RHBDF2: variants seen among roughly 807,000 people sequenced by gnomAD.
The protein encoded by RHBDF2 is inactive rhomboid protein 2.
Under a neutral mutation model 95.2 loss-of-function variants are expected in RHBDF2, and 38 were observed. The ratio of observed to expected loss-of-function variants is 0.40; its 90% CI spans 0.31 to 0.52. The LOEUF is 0.52. Among genes scored for constraint, RHBDF2 ranks in the 20% least tolerant of loss-of-function variants. The pLI, the probability that RHBDF2 is intolerant of heterozygous loss-of-function variation, is 0.56. For synonymous variants in RHBDF2, 442 were observed against 462.0 expected (o/e 0.96, Z 0.55); for missense variants, 863 against 1,137.7 (o/e 0.76, Z 3.47).
At chr17:76,498,502 A>T (rs906428468) in intron 1 of RHBDF2, among the ~76,000 whole-genome samples, 2 of 152,160 alleles carry the variant, frequency 1.3e-5, no homozygotes, top group African/African-American at 4.8e-5. Flanking sequence ...AAAGGGAAGC[A>T]CCAGCCAGCT....
rs2073554335 is a variant in RHBDF2, at chr17:76,471,427, A to G, written c.*206T>C. The G allele has an allele frequency of 3.4e-6, 2 of 587,710 alleles. No individual in the cohort carries two copies. The highest frequency in any genetic ancestry group is 6.5e-5 in the Admixed American group (2 of 30,732). 36.4% of individuals were successfully genotyped at this position (587,710 alleles called of 1,614,324 possible). ...GCCTGAGCTTGGGTCAGGATCTCACAGGCCTCACGCCCCAGAAAAACCCCG... is the reference window on the plus strand; with the variant it reads ...GCCTGAGCTTGGGTCAGGATCTCACGGGCCTCACGCCCCAGAAAAACCCCG... On this transcript the variant is annotated 3_prime_UTR_variant, in exon 19 of 19. Coordinates refer to ENST00000675367, the MANE Select transcript of RHBDF2 (RefSeq NM_001005498.4).
rs151290253 is a variant in RHBDF2 at position 76,478,953 on chromosome 17, C to T, written c.525G>A (p.Arg175=). The T allele has an allele frequency of 3.0e-4, 475 of 1,595,300 alleles. 1 individual carries two copies. The African/African-American group carries it at 5.8e-3, about 19-fold the overall frequency. ...TCAGCGGTGGGTGCGGGGCGTGGGG[C>T]CTGTCCATCTCCTCCGGGTGGCGGA... is the stretch of plus-strand genomic sequence containing the variant. The part of the protein sequence containing the change: ...RAFRHPEEMD[R]PHAPHPPLTP... The change falls in exon 6 of 19, where the codon AGG becomes AGA. Residue 175 remains arginine, a synonymous_variant. Transcript: ENST00000675367.
chr17:76,477,415 G>A, intron 7 of RHBDF2, 117 bp from the exon 8 acceptor site: 2 of 1,314,116 alleles, frequency 1.5e-6, no homozygotes, highest in East Asian at 2.4e-5. Context: ...AATGAATTGG[G>A]AAGCCACATG....
chr17:76,475,198 C>A, intron 9 of RHBDF2, 57 bp from the exon 10 acceptor site: 1 of 1,325,532 alleles, frequency 7.5e-7, no homozygotes, highest in African/African-American at 1.5e-5. Context: ...CCCCCAGTCC[C>A]GGCCACAGGG....
At chr17:76,499,899 G>C (rs1362273227) in intron 1 of RHBDF2, among the ~76,000 whole-genome samples, 1 of 152,048 alleles carries the variant, frequency 6.6e-6, no homozygotes, top group Admixed American at 6.6e-5. Flanking sequence ...GGCTGCAAGG[G>C]GGTCCTCTGT....
intron 7 of RHBDF2, 54 bp downstream of exon 7, chr17:76,477,603 C>T: frequency 6.3e-7 from 1 of 1,588,398 alleles, no homozygotes; most frequent in East Asian, 2.2e-5. Flanking sequence ...GGTCACCTCA[C>T]CCAGCTCCCA....
rs1388766426 is a variant in RHBDF2, at chr17:76,477,797, C to T, written c.673-12G>A. 6.2e-7 allele frequency: 1 copy of T among 1,607,342 alleles called. No homozygotes were observed. The highest frequency in any genetic ancestry group is 1.1e-5 in the South Asian group (1 of 91,024). On this transcript the variant is annotated splice_polypyrimidine_tract_variant and intron_variant, in intron 6 of 18. Transcript: ENST00000675367. ...AGCACCGAGCGCCCCTGTGCACGGG[C>T]AGAGGCACAGCCATCAGGACCACAG...
At chr17:76,484,972 C>T (rs542677085) in intron 2 of RHBDF2, among the ~76,000 whole-genome samples, 3 of 152,174 alleles carry the variant, frequency 2.0e-5, no homozygotes, top group Non-Finnish European at 4.4e-5. Context: ...TCTGGAGGAG[C>T]AAATGAGTGG....
intron 3 of RHBDF2, 37 bp from the exon 4 acceptor site, chr17:76,479,891 T>C (rs2144169209): frequency 1.9e-6 from 3 of 1,609,930 alleles, no homozygotes; most frequent in Non-Finnish European, 2.5e-6. Context: ...CGGTGGTGTG[T>C]GCAGCCCAGG....
intron 18 of RHBDF2, 42 bp downstream of exon 18, chr17:76,472,644 G>GC: frequency 6.2e-7 from 1 of 1,612,012 alleles, no homozygotes; most frequent in Non-Finnish European, 8.5e-7. Flanking sequence ...AGCAGGGCTG[G>GC]CCCCCTATGT....
rs1411239940 is a variant in RHBDF2 at position 76,475,149 on chromosome 17, G to C, written c.1116-8C>G. On this transcript the variant is annotated splice_polypyrimidine_tract_variant and splice_region_variant and intron_variant, in intron 9 of 18. Transcript: ENST00000675367. Reference sequence around the variant, plus strand: ...CAGTAGGTGAAGTAGGGCCTGTGCAGAGACACCTCGGGTCAGCTGAGCCGA... The same window carrying C: ...CAGTAGGTGAAGTAGGGCCTGTGCACAGACACCTCGGGTCAGCTGAGCCGA... 2 of 1,572,250 alleles carry C rather than the reference G, an allele frequency of 1.3e-6. No individual in the cohort carries two copies. The highest frequency in any genetic ancestry group is 1.7e-6 in the Non-Finnish European group (2 of 1,156,674).
At chr17:76,481,892 A>G (rs551628619) in intron 2 of RHBDF2, 5 of 202,954 alleles carry the variant, frequency 2.5e-5, no homozygotes, top group Non-Finnish European at 5.1e-5. Flanking sequence ...CAGCGGTTAT[A>G]GTAAGCCGAG....
At position 76,481,557 on chromosome 17, in the gene RHBDF2, A is replaced by C. The variant is rs779168966; in HGVS notation, c.-21-12T>G. The stretch of plus-strand genomic sequence containing the variant: ...AGGAGGCGGGAGGGCTGGAATGGAG[A>C]CCGGGAGAGCAGCGGTGGGCGGTGC... On this transcript the variant is annotated splice_polypyrimidine_tract_variant and intron_variant, in intron 2 of 18. Transcript: ENST00000675367. 4 of 1,596,862 alleles carry C rather than the reference A, an allele frequency of 2.5e-6. No homozygotes were observed. The South Asian group carries it at 3.3e-5, about 13-fold the overall frequency.
chr17:76,496,700 A>C (rs2144460149), intron 1 of RHBDF2, among the ~76,000 whole-genome samples: 1 of 152,286 alleles, frequency 6.6e-6, no homozygotes, highest in East Asian at 1.9e-4. Flanking sequence ...CAGGGTTCAA[A>C]GTCCTGTTCC....
chr17:76,481,404 G>T lies in RHBDF2; in HGVS notation c.121C>A (p.Pro41Thr). The change falls in exon 3 of 19, where the codon CCT becomes ACT. Residue 41 changes from proline to threonine, a missense_variant. Pro to Thr is a conservative substitution (Grantham distance 38, BLOSUM62 -1). Around this residue, in one of 2 missense-constraint regions of RHBDF2, gnomAD observed 611 missense variants for 725.5 expected, o/e 0.84. Transcript: ENST00000675367. ...IPPPEKETQAPGEQDSMLPER... is the reference protein window; with the variant it reads ...IPPPEKETQATGEQDSMLPER... Reference sequence around the variant, plus strand: ...GGCAGCATGCTGTCCTGCTCGCCAGGGGCCTGGGTCTCTTTCTCGGGTGGC... The same window carrying T: ...GGCAGCATGCTGTCCTGCTCGCCAGTGGCCTGGGTCTCTTTCTCGGGTGGC... 3 of 1,612,676 alleles carry T rather than the reference G, an allele frequency of 1.9e-6. No homozygotes were observed. The highest frequency in any genetic ancestry group is 2.5e-6 in the Non-Finnish European group (3 of 1,180,000).
intron 7 of RHBDF2, 75 bp from the exon 8 acceptor site, chr17:76,477,373 G>A (rs1167598323): frequency 1.3e-6 from 2 of 1,503,242 alleles, no homozygotes; most frequent in Non-Finnish European, 9.0e-7. Context: ...CAATTCAAGG[G>A]CAGGACACAG....
chr17:76,498,787 AGAGTGT>A (rs2074495237), intron 1 of RHBDF2, among the ~76,000 whole-genome samples: 3 of 52,884 alleles, frequency 5.7e-5, no homozygotes, highest in South Asian at 1.4e-3. Context: ...GGAGAGAAAG[AGAGTGT>A]GTGTGTGTGT....
rs973400940 is a variant in RHBDF2 at position 76,485,689 on chromosome 17, A to T, written c.-22+2023T>A. Among the ~76,000 whole-genome samples, 3 of 152,214 alleles carry T rather than the reference A, an allele frequency of 2.0e-5. No homozygotes were observed. In the East Asian group the frequency reaches 5.8e-4, roughly 29 times the overall value. ...GAAGTGCCCGGCAGCACGGCTCTGC[A>T]GAGCCGGAGCAGGAAAACAGCACAA... is the stretch of plus-strand genomic sequence containing the variant. On this transcript the variant is annotated intron_variant, in intron 2 of 18. Transcript: ENST00000675367.
chr17:76,475,356 A>C (rs1367686827), intron 9 of RHBDF2, among the ~76,000 whole-genome samples: 1 of 152,190 alleles, frequency 6.6e-6, no homozygotes, highest in Non-Finnish European at 1.5e-5. Context: ...CCTTGGGACA[A>C]ATTCCAGAAT....
Sources: allele counts gnomAD v4.1 joint callset (sites outside exome capture counted in the v4.1 genomes callset), GRCh38; gene constraint gnomAD v4.1.1; regional missense constraint gnomAD v4.1.1; transcripts MANE v1.5; gene names NCBI Gene and HGNC (gene_info 2026-07-23, HGNC 2026-07-21).